PPARGC1B: variants seen among roughly 807,000 people sequenced by gnomAD.
The protein encoded by PPARGC1B is PPARG coactivator 1 beta, also known as peroxisome proliferator-activated receptor gamma coactivator 1-beta.
PPARGC1B carries 34 observed loss-of-function variants against 101.6 expected under a neutral mutation model. The observed-to-expected ratio is 0.33, with a 90% confidence interval of 0.25 to 0.45. PPARGC1B has a LOEUF of 0.45. PPARGC1B is among the 20% of genes least tolerant of loss of function. The pLI is 1.00. For synonymous variants in PPARGC1B, 548 were observed against 539.3 expected (o/e 1.02, Z -0.22); for missense variants, 1,234 against 1,317.6 (o/e 0.94, Z 0.98).
chr5:149,826,288 G>A (rs534991192), intron 2 of PPARGC1B, among the ~76,000 whole-genome samples: 54 of 152,272 alleles, frequency 3.5e-4, no homozygotes, highest in Middle Eastern at 3.4e-3. Flanking sequence ...GGGCTGTAAC[G>A]GGTTGCTGCT....
chr5:149,773,748 A>G (rs763942283), intron 1 of PPARGC1B, among the ~76,000 whole-genome samples: 1 of 152,004 alleles, frequency 6.6e-6, no homozygotes, highest in Non-Finnish European at 1.5e-5. Flanking sequence ...CTGGAAATGG[A>G]TGTGTGAGGT....
At chr5:149,843,749 C>T (rs1276995225) in intron 10 of PPARGC1B, among the ~76,000 whole-genome samples, 1 of 152,106 alleles carries the variant, frequency 6.6e-6, no homozygotes, top group African/African-American at 2.4e-5. Flanking sequence ...CCAAATGTCC[C>T]CCAACAGATG....
chr5:149,801,690 T>G (rs1329137519), intron 1 of PPARGC1B, among the ~76,000 whole-genome samples: 1 of 152,194 alleles, frequency 6.6e-6, no homozygotes, highest in African/African-American at 2.4e-5. Flanking sequence ...CTGCTCTGTG[T>G]CTAGCCGCCT....
rs766961719 is a variant in PPARGC1B, at chr5:149,845,778, C to T, written c.2835C>T (p.Phe945=). The T allele has an allele frequency of 6.6e-5, 107 of 1,611,766 alleles. No homozygotes were observed. Among genetic ancestry groups the T allele is most frequent in the Non-Finnish European group, 8.9e-5 (105 of 1,178,220 alleles). Residue 945 remains phenylalanine, a synonymous_variant, in exon 11 of 12, where the codon TTC becomes TTT. Coordinates refer to ENST00000309241, the MANE Select transcript of PPARGC1B (RefSeq NM_133263.4). The part of the protein sequence containing the change: ...TRNRRGEKYG[F]ITYRCSEHAA... ...CCCGCAGAGGCGAGAAGTACGGCTT[C>T]ATCACCTACCGGTGTTCTGAGCACG...
intron 1 of PPARGC1B, among the ~76,000 whole-genome samples, chr5:149,799,684 C>CTTGTTGTTG (rs1459069676): frequency 1.7e-4 from 18 of 107,392 alleles, no homozygotes; most frequent in African/African-American, 5.8e-4. Context: ...TGTTTGTTTG[C>CTTGTTGTTG]TTGTTGTTGT....
In PPARGC1B at chr5:149,854,813, A is replaced by G. The variant is rs1759903836; in HGVS notation, c.*7255A>G. The G allele has an allele frequency of 6.6e-6, 1 of 152,296 alleles. No individual in the cohort carries two copies. The highest frequency in any genetic ancestry group is 2.4e-5 in the African/African-American group (1 of 41,564). The allele number at this position is 152,296 out of a possible 1,614,324, so 9.4% of individuals were successfully genotyped here. On this transcript the variant is annotated 3_prime_UTR_variant, in exon 12 of 12. Coordinates refer to ENST00000309241, the MANE Select transcript of PPARGC1B (RefSeq NM_133263.4). ...ATAATTTAACCAAATTGCTCTATGT[A>G]TTATTATTCTGTGAGTATAAAGTTC...
intron 1 of PPARGC1B, among the ~76,000 whole-genome samples, chr5:149,805,053 G>T (rs1561560960): frequency 6.6e-6 from 1 of 152,196 alleles, no homozygotes; most frequent in Non-Finnish European, 1.5e-5. Flanking sequence ...GGCAAGCCCT[G>T]CCCCTCTTGA....
At chr5:149,804,923 C>T (rs922093704) in intron 1 of PPARGC1B, among the ~76,000 whole-genome samples, 6 of 152,196 alleles carry the variant, frequency 3.9e-5, no homozygotes, top group African/African-American at 7.2e-5. Context: ...CAGCTGCACT[C>T]GGCCCCTGAG....
At chr5:149,787,823 T>G (rs1420825616) in intron 1 of PPARGC1B, among the ~76,000 whole-genome samples, 1 of 152,242 alleles carries the variant, frequency 6.6e-6, no homozygotes, top group Non-Finnish European at 1.5e-5. Context: ...AGATTTTGTC[T>G]GTACAATGGA....
At position 149,782,828 on chromosome 5, in the gene PPARGC1B, C is replaced by G. The variant is rs573933571; in HGVS notation, c.79-37605C>G. The stretch of plus-strand genomic sequence containing the variant: ...ACATTAGCAGGTTCCCTATTGTGAA[C>G]CCACAGGGCTGGCCTGGGCTCTGGC... On this transcript the variant is annotated intron_variant, in intron 1 of 11. Transcript: ENST00000309241. 7.9e-5 allele frequency among the ~76,000 whole-genome samples: 12 copies of G among 152,338 alleles called. 1 individual carries two copies. The highest frequency in any genetic ancestry group is 2.6e-4 in the African/African-American group (11 of 41,586).
At chr5:149,773,108 T>C (rs1358956370) in intron 1 of PPARGC1B, among the ~76,000 whole-genome samples, 1 of 152,040 alleles carries the variant, frequency 6.6e-6, no homozygotes, top group Non-Finnish European at 1.5e-5. Context: ...ATGCTTAGAG[T>C]TTTTGGTTAA....
At chr5:149,816,894 G>A (rs1758074527) in intron 1 of PPARGC1B, among the ~76,000 whole-genome samples, 1 of 152,196 alleles carries the variant, frequency 6.6e-6, no homozygotes, top group African/African-American at 2.4e-5. Context: ...GGCTACAACA[G>A]CTGTTAAACC....
intron 1 of PPARGC1B, among the ~76,000 whole-genome samples, chr5:149,759,991 T>C (rs1337321028): frequency 2.0e-5 from 3 of 152,184 alleles, no homozygotes; most frequent in Non-Finnish European, 4.4e-5. Context: ...TGCAAGGAGC[T>C]CCAGCGCTCC....
intron 4 of PPARGC1B, 116 bp downstream of exon 4, chr5:149,830,999 A>C: frequency 1.3e-6 from 1 of 751,140 alleles, no homozygotes; most frequent in Non-Finnish European, 2.4e-6. Flanking sequence ...CACTCCTCCC[A>C]CAGCCCTTGT....
intron 1 of PPARGC1B, among the ~76,000 whole-genome samples, chr5:149,739,262 C>A (rs1209773502): frequency 6.6e-6 from 1 of 152,214 alleles, no homozygotes; most frequent in East Asian, 1.9e-4. Context: ...GACGTCATTT[C>A]ATCTGTGACT....
chr5:149,751,011 AAC>A (rs1755280075), intron 1 of PPARGC1B, among the ~76,000 whole-genome samples: 1 of 152,272 alleles, frequency 6.6e-6, no homozygotes, highest in Non-Finnish European at 1.5e-5. Flanking sequence ...GTTTTACTAT[AAC>A]ACAGACAGTT....
rs115650813 is a variant in PPARGC1B at position 149,836,562 on chromosome 5, G to A, written c.2107G>A (p.Val703Ile). ...CTGCCAGGTGCTCCGACCAGAAGGCGTCCTGCAAAGGAAGGTGCTGAGGTC... is the reference window on the plus strand; with the variant it reads ...CTGCCAGGTGCTCCGACCAGAAGGCATCCTGCAAAGGAAGGTGCTGAGGTC... ...DYCQVLRPEG[V>I]LQRKVLRSWE... Residue 703 changes from valine (V) to isoleucine (I), a missense_variant, in exon 8 of 12, where the codon GTC (valine) becomes ATC (isoleucine). This residue lies in a region of PPARGC1B where 497 missense variants were observed against 529.5 expected (regional missense o/e 0.94). Transcript: ENST00000309241. 7.7e-5 allele frequency: 124 copies of A among 1,613,756 alleles called. No homozygotes were observed. The South Asian group carries it at 8.6e-4, about 11-fold the overall frequency.
At chr5:149,739,503 G>A (rs1451662411) in intron 1 of PPARGC1B, among the ~76,000 whole-genome samples, 1 of 152,172 alleles carries the variant, frequency 6.6e-6, no homozygotes, top group African/African-American at 2.4e-5. Context: ...TGGAGATACA[G>A]GTACACCTTG....
intron 1 of PPARGC1B, among the ~76,000 whole-genome samples, chr5:149,735,803 G>A (rs888426145): frequency 1.3e-5 from 2 of 152,218 alleles, no homozygotes; most frequent in African/African-American, 4.8e-5. Flanking sequence ...CTAGCACCTT[G>A]AGCAAATGAA....
Sources: gnomAD v4.1 joint callset for allele counts (sites outside exome capture counted in the v4.1 genomes callset) on GRCh38, gnomAD v4.1.1 for gene constraint, gnomAD v4.1.1 regional missense constraint, MANE v1.5 for transcripts, NCBI Gene and HGNC (gene_info 2026-07-23, HGNC 2026-07-21) for gene names.